The following FAM118A variants were observed in gnomAD, a reference collection of about 807,000 sequenced individuals.
FAM118A encodes protein FAM118A.
A neutral mutation model predicts 38.2 loss-of-function variants in FAM118A; 25 were observed. The ratio of observed to expected loss-of-function variants is 0.65; its 90% CI spans 0.48 to 0.91. The LOEUF is 0.91. Among genes scored for constraint, FAM118A ranks in the 40% least tolerant of loss-of-function variants. The probability of loss-of-function intolerance (pLI) is 0.00; values close to 1 mark genes in which losing one functional copy is unlikely to be tolerated. For synonymous variants in FAM118A, 178 were observed against 184.1 expected (o/e 0.97, Z 0.27); for missense variants, 425 against 463.3 (o/e 0.92, Z 0.76).
Position 45,323,346 on chromosome 22 carries a change from C to T in FAM118A, c.219C>T (p.Asp73=), listed in dbSNP as rs1230297661. The change falls in exon 3 of 9, where the codon GAC becomes GAT. Residue 73 remains aspartate (D), a synonymous_variant. Transcript: ENST00000441876. ...AEQLEVLHPG[D]VAEFRRKVTK... is the part of the protein sequence containing the mutation. ...AGCTGGAGGTGCTGCACCCCGGAGA[C>T]GTCGCCGAGTTCCGGAGGAAAGTGA... is the stretch of plus-strand genomic sequence containing the variant. The T allele has an allele frequency of 1.8e-5, 29 of 1,614,014 alleles. No individual in the cohort carries two copies. The highest frequency in any genetic ancestry group is 3.3e-5 in the Admixed American group (2 of 59,994).
At chr22:45,327,798 T>G (rs1348272169) in intron 3 of FAM118A, 44 bp from the exon 4 acceptor site, 1 of 1,599,982 alleles carries the variant, frequency 6.3e-7, no homozygotes, top group East Asian at 2.2e-5. Context: ...TCAGTAGTTG[T>G]TAAGAGCTGA....
intron 5 of FAM118A, among the ~76,000 whole-genome samples, chr22:45,332,147 A>G (rs1220562681): frequency 1.3e-5 from 2 of 152,214 alleles, no homozygotes; most frequent in Non-Finnish European, 2.9e-5. Context: ...GGGTGTGGGC[A>G]CTGCCACCCG....
intron 1 of FAM118A, among the ~76,000 whole-genome samples, chr22:45,314,192 GGCCCTCCTTATCTGTTCCCACCCC>G (rs1438560144): frequency 3.9e-5 from 6 of 152,104 alleles, no homozygotes; most frequent in African/African-American, 1.2e-4. Flanking sequence ...TCCTCCATGT[GGCCCTCCTTATCTGTTCCCACCCC>G]GCCCCCCAAG....
chr22:45,329,401 A>G (rs1176357318), intron 4 of FAM118A: 1 of 152,260 alleles, frequency 6.6e-6, no homozygotes, highest in Non-Finnish European at 1.5e-5. Context: ...TTAAGAAACA[A>G]AATGAAATAC....
chr22:45,335,467 T>C, intron 7 of FAM118A, 85 bp downstream of exon 7: 1 of 1,499,738 alleles, frequency 6.7e-7, no homozygotes, highest in Non-Finnish European at 9.3e-7. Flanking sequence ...ATCATAAACG[T>C]TTGTTTTTCA....
chr22:45,329,718 G>C (rs1244980989), intron 4 of FAM118A: 1 of 152,368 alleles, frequency 6.6e-6, no homozygotes, highest in Non-Finnish European at 1.5e-5. Flanking sequence ...TAGTGCCATG[G>C]AGTAGACATC....
chr22:45,312,032 C>T (rs1218373814), intron 1 of FAM118A, among the ~76,000 whole-genome samples: 1 of 152,022 alleles, frequency 6.6e-6, no homozygotes, highest in African/African-American at 2.4e-5. Flanking sequence ...TGGGCCAGGA[C>T]CATGCTGGGC....
At chr22:45,318,214 G>C (rs984871860) in intron 1 of FAM118A, among the ~76,000 whole-genome samples, 3 of 152,188 alleles carry the variant, frequency 2.0e-5, no homozygotes, top group African/African-American at 7.2e-5. Flanking sequence ...ATCCTGGTAA[G>C]AGTTTGGCTT....
chr22:45,340,261 G>C lies in FAM118A; in HGVS notation c.1055-125G>C, dbSNP rs1323088567. 4.8e-6 allele frequency: 5 copies of C among 1,038,202 alleles called. No individual in the cohort carries two copies. In the East Asian group the frequency reaches 1.2e-4, roughly 25 times the overall value. The allele number at this position is 1,038,202 out of a possible 1,614,324, so 64.3% of individuals were successfully genotyped here. A position where few individuals can be genotyped will look rare whatever the true frequency, so the allele number is the denominator to read the frequency against. ...AGTGGCTACTGTTTCCATTGTGGAG[G>C]GGTTTTCAAAGTCTTCCGTACATAA... On this transcript the variant is annotated intron_variant, in intron 8 of 8. Coordinates refer to ENST00000441876, the MANE Select transcript of FAM118A (RefSeq NM_017911.4).
At chr22:45,333,781 C>T (rs2146703824) in intron 6 of FAM118A, among the ~76,000 whole-genome samples, 1 of 152,050 alleles carries the variant, frequency 6.6e-6, no homozygotes, top group South Asian at 2.1e-4. Context: ...TTAGAGACTG[C>T]AGTAAGCTGT....
In FAM118A at chr22:45,332,682, C is replaced by T. The variant is rs760086658; in HGVS notation, c.909C>T (p.Ala303=). ...DHFPGYVQDL[A]TQICKQQSPD... The stretch of plus-strand genomic sequence containing the variant: ...TTCCAGGATATGTGCAAGACCTTGC[C>T]ACTCAGATCTGCAAACAGCAAAGCC... The change falls in exon 6 of 9, where the codon GCC becomes GCT. Residue 303 remains alanine, a synonymous_variant. Transcript: ENST00000441876. 6 of 1,609,388 alleles carry T rather than the reference C, an allele frequency of 3.7e-6. No individual in the cohort carries two copies. The highest frequency in any genetic ancestry group is 5.1e-6 in the Non-Finnish European group (6 of 1,176,708).
chr22:45,335,303 A>T (rs2086008581), intron 6 of FAM118A, 47 bp from the exon 7 acceptor site: 1 of 1,612,252 alleles, frequency 6.2e-7, no homozygotes, highest in Non-Finnish European at 8.5e-7. Flanking sequence ...GAGGAGGACG[A>T]GCTCTTGGTG....
chr22:45,321,052 GTATT>G (rs1356711695), intron 1 of FAM118A, among the ~76,000 whole-genome samples: 4 of 152,320 alleles, frequency 2.6e-5, no homozygotes, highest in African/African-American at 4.8e-5. Context: ...TAAAGGAGAT[GTATT>G]TATTTTAATG....
chr22:45,319,211 A>G (rs1433908674), intron 1 of FAM118A, among the ~76,000 whole-genome samples: 1 of 152,192 alleles, frequency 6.6e-6, no homozygotes. Context: ...AGTTTTAGGC[A>G]TGTGGTTTTT....
chr22:45,312,541 G>A (rs191566581), intron 1 of FAM118A, among the ~76,000 whole-genome samples: 3 of 152,298 alleles, frequency 2.0e-5, no homozygotes, highest in Non-Finnish European at 2.9e-5. Context: ...GGGCATGGTG[G>A]TGTGCACCTG....
At chr22:45,328,492 C>G (rs542986892) in intron 4 of FAM118A, 30 of 818,288 alleles carry the variant, frequency 3.7e-5, no homozygotes, top group South Asian at 3.6e-4. Flanking sequence ...AGTAGCCAGG[C>G]ATGGTGGCGC....
rs1234019086 is a variant in FAM118A at position 45,323,402 on chromosome 22, A to G, written c.275A>G (p.His92Arg). 7.4e-6 allele frequency: 12 copies of G among 1,613,966 alleles called. No homozygotes were observed. The Admixed American group carries it at 1.3e-4, about 18-fold the overall frequency. The change falls in exon 3 of 9, where the codon CAT (histidine) becomes CGT (arginine). Residue 92 changes from histidine to arginine, a missense_variant. Physicochemically the swap from His to Arg is conservative, Grantham distance 29. Coordinates refer to ENST00000441876, the MANE Select transcript of FAM118A (RefSeq NM_017911.4). ...GACCGGGACCTGTTGGTTGTCGCCC[A>G]TGATCTGATCCGGAAGATGTCACCT... ...TKDRDLLVVA[H>R]DLIRKMSPRT... is the part of the protein sequence containing the mutation.
intron 8 of FAM118A, among the ~76,000 whole-genome samples, chr22:45,339,507 A>G (rs966805415): frequency 1.1e-4 from 17 of 152,216 alleles, no homozygotes; most frequent in African/African-American, 3.9e-4. Context: ...AACTGTTTGA[A>G]ATCTTTTTGC....
rs1190560287 is a variant in FAM118A at position 45,336,506 on chromosome 22, C to T, written c.1054+95C>T. On this transcript the variant is annotated intron_variant, in intron 8 of 8. Transcript: ENST00000441876. Reference sequence around the variant, plus strand: ...GTGCTGCGCTTTAATGCCCCGCGCCCTATGGTGGGAGGACGGTGCATACGT... The same window carrying T: ...GTGCTGCGCTTTAATGCCCCGCGCCTTATGGTGGGAGGACGGTGCATACGT... 8 of 930,286 alleles carry T rather than the reference C, an allele frequency of 8.6e-6. No individual in the cohort carries two copies. In the East Asian group the frequency reaches 2.1e-4, roughly 24 times the overall value. The allele number at this position is 930,286 out of a possible 1,614,324, so 57.6% of individuals were successfully genotyped here.
Sources: allele counts gnomAD v4.1 joint callset (sites outside exome capture counted in the v4.1 genomes callset), GRCh38; gene constraint gnomAD v4.1.1; transcripts MANE v1.5; gene names NCBI Gene and HGNC (gene_info 2026-07-23, HGNC 2026-07-21).